Variants in CCL28 observed in about 807,000 individuals in gnomAD.
CCL28 encodes C-C motif chemokine 28.
In CCL28, 4 loss-of-function variants were observed where a neutral mutation model predicts 7.1. The ratio of observed to expected loss-of-function variants is 0.56; its 90% CI spans 0.28 to 1.29. The LOEUF is 1.29. Ranked by LOEUF, CCL28 falls within the 50% of genes most tolerant of loss-of-function variation. The probability of loss-of-function intolerance (pLI) is 0.11; values close to 1 mark genes in which losing one functional copy is unlikely to be tolerated. For missense variants in CCL28, 151 were observed against 163.4 expected (o/e 0.92, Z 0.41); for synonymous variants, 55 against 57.8 (o/e 0.95, Z 0.22).
At chr5:43,405,362 A>G (rs1289485105) in intron 1 of CCL28, among the ~76,000 whole-genome samples, 1 of 152,248 alleles carries the variant, frequency 6.6e-6, no homozygotes, top group African/African-American at 2.4e-5. Flanking sequence ...CTGCTTAACT[A>G]CATGGAAACT....
At chr5:43,401,082 C>CAAA (rs34105761) in intron 1 of CCL28, among the ~76,000 whole-genome samples, 127 of 95,056 alleles carry the variant, frequency 1.3e-3, no homozygotes, top group African/African-American at 4.4e-3. Context: ...GACTCCGTCT[C>CAAA]AAAAAAAAAA....
At chr5:43,367,953 G>C in the CCL28 span, among the ~76,000 whole-genome samples, 1 of 152,188 alleles carries the variant, frequency 6.6e-6, no homozygotes, top group South Asian at 2.1e-4. Context: ...GAACTGCCAT[G>C]AAGTTAAGCA....
the CCL28 span, among the ~76,000 whole-genome samples, chr5:43,363,226 T>A: frequency 6.6e-6 from 1 of 152,218 alleles, no homozygotes; most frequent in African/African-American, 2.4e-5. Context: ...TACCACAGTG[T>A]TATGTTACTG....
downstream of CCL28, among the ~76,000 whole-genome samples, chr5:43,372,207 A>C (rs1739797725): frequency 6.6e-6 from 1 of 152,216 alleles, no homozygotes. Flanking sequence ...GGGGGCAAAC[A>C]TAGCTAACTG....
At chr5:43,410,319 C>T (rs1741484114) in intron 1 of CCL28, among the ~76,000 whole-genome samples, 1 of 152,216 alleles carries the variant, frequency 6.6e-6, no homozygotes, top group Non-Finnish European at 1.5e-5. Flanking sequence ...GGCGTTGCCC[C>T]TCTATTCCAC....
chr5:43,405,025 TAC>T (rs1455738439), intron 1 of CCL28, among the ~76,000 whole-genome samples: 3 of 152,252 alleles, frequency 2.0e-5, no homozygotes, highest in Admixed American at 6.5e-5. Context: ...CTTAGAGACC[TAC>T]AAAGAGACTT....
chr5:43,359,309 G>T, the CCL28 span, among the ~76,000 whole-genome samples: 262 of 152,256 alleles, frequency 1.7e-3, no homozygotes, highest in African/African-American at 6.1e-3. Context: ...GATAAGTATT[G>T]TTTCTATAGA....
intron 1 of CCL28, among the ~76,000 whole-genome samples, chr5:43,398,506 C>T (rs1339066929): frequency 1.3e-5 from 2 of 152,172 alleles, no homozygotes; most frequent in Non-Finnish European, 2.9e-5. Context: ...CCATTCCTTC[C>T]TTGAAAATTT....
intron 2 of CCL28, among the ~76,000 whole-genome samples, chr5:43,383,591 A>C (rs1037906985): frequency 2.0e-5 from 3 of 152,180 alleles, no homozygotes; most frequent in Non-Finnish European, 4.4e-5. Context: ...TTAAAAAAAA[A>C]CAAACAGCCT....
chr5:43,362,111 G>C, the CCL28 span, among the ~76,000 whole-genome samples: 1 of 152,014 alleles, frequency 6.6e-6, no homozygotes, highest in Admixed American at 6.6e-5. Flanking sequence ...AATGATATTT[G>C]TTCTTTCTAA....
At chr5:43,383,871 G>A (rs1579723659) in intron 2 of CCL28, 2 of 152,660 alleles carry the variant, frequency 1.3e-5, no homozygotes, top group East Asian at 3.9e-4. Context: ...AAGATCACCT[G>A]AGGTCGGGTG....
At chr5:43,377,746 T>TTTTTG (rs1381116439), downstream of CCL28, among the ~76,000 whole-genome samples, 1 of 117,108 alleles carries the variant, frequency 8.5e-6, no homozygotes, top group Non-Finnish European at 1.8e-5. Context: ...TTTTTTTTTT[T>TTTTTG]TTTTGAGACG....
chr5:43,358,490 G>A, the CCL28 span, among the ~76,000 whole-genome samples: 1 of 152,170 alleles, frequency 6.6e-6, no homozygotes, highest in Non-Finnish European at 1.5e-5. Context: ...CTCGTTTGTT[G>A]GAAGGTCAGA....
chr5:43,405,031 G>C (rs1036771812), intron 1 of CCL28, among the ~76,000 whole-genome samples: 3 of 152,136 alleles, frequency 2.0e-5, no homozygotes, highest in Non-Finnish European at 4.4e-5. Flanking sequence ...GACCTACAAA[G>C]AGACTTAGAC....
intron 2 of CCL28, among the ~76,000 whole-genome samples, chr5:43,383,739 A>G (rs1385684391): frequency 3.3e-5 from 5 of 152,208 alleles, no homozygotes; most frequent in Non-Finnish European, 4.4e-5. Flanking sequence ...CCAGAGGACT[A>G]AAACTCTTGC....
At chr5:43,387,356 G>A (rs917894726) in intron 2 of CCL28, among the ~76,000 whole-genome samples, 7 of 152,180 alleles carry the variant, frequency 4.6e-5, no homozygotes, top group Non-Finnish European at 1.0e-4. Context: ...TTTCCTCACA[G>A]CATTGTTGTC....
the CCL28 span, among the ~76,000 whole-genome samples, chr5:43,359,149 G>A: frequency 3.3e-5 from 5 of 152,144 alleles, no homozygotes; most frequent in Admixed American, 1.3e-4. Flanking sequence ...AGACAAGCTC[G>A]GTTGTGGAGA....
intron 1 of CCL28, among the ~76,000 whole-genome samples, chr5:43,391,706 C>T (rs1740580441): frequency 6.6e-6 from 1 of 152,192 alleles, no homozygotes. Flanking sequence ...CTAATGATAA[C>T]AGACATTGTT....
At chr5:43,386,104 G>C (rs1432731396) in intron 2 of CCL28, among the ~76,000 whole-genome samples, 5 of 152,182 alleles carry the variant, frequency 3.3e-5, no homozygotes, top group Non-Finnish European at 7.3e-5. Flanking sequence ...GGAAGGAATT[G>C]AGAGGAGTTG....
Sources: gnomAD v4.1 joint callset for allele counts (sites outside exome capture counted in the v4.1 genomes callset) on GRCh38, gnomAD v4.1.1 for gene constraint, MANE v1.5 for transcripts, NCBI Gene and HGNC (gene_info 2026-07-23, HGNC 2026-07-21) for gene names.